The following LRRC37A2 variants were observed in gnomAD, a reference collection of about 807,000 sequenced individuals.
The protein encoded by LRRC37A2 is leucine rich repeat containing 37 member A2, also known as leucine-rich repeat-containing protein 37A2.
A neutral mutation model predicts 68.8 loss-of-function variants in LRRC37A2; 9 were observed. The observed-to-expected ratio is 0.13, with a 90% confidence interval of 0.08 to 0.23. LRRC37A2 has a LOEUF of 0.23. LRRC37A2 is among the 10% of genes least tolerant of loss of function. The pLI is 1.00. For synonymous variants in LRRC37A2, 63 were observed against 367.6 expected (o/e 0.17, Z 9.48); for missense variants, 168 against 950.4 (o/e 0.18, Z 10.82).
chr17:47,020,787 A>AAAAAAAAAAAAAAAAAAAAT, the LRRC37A2 span, among the ~76,000 whole-genome samples: 1 of 137,592 alleles, frequency 7.3e-6, no homozygotes, highest in African/African-American at 2.6e-5. Flanking sequence ...ATCTCAAAAA[A>AAAAAAAAAAAAAAAAAAAAT]AAAAAAAAAA....
chr17:46,852,065 G>A, the LRRC37A2 span, among the ~76,000 whole-genome samples: 1 of 152,212 alleles, frequency 6.6e-6, no homozygotes, highest in Admixed American at 6.5e-5. Context: ...GCTCTCTGAT[G>A]CCCTCTCGGG....
chr17:46,891,918 C>CTTTTTTTTTTTTTTTT, the LRRC37A2 span, among the ~76,000 whole-genome samples: 10 of 71,810 alleles, frequency 1.4e-4, no homozygotes, highest in African/African-American at 2.2e-4. Context: ...CTTTTCTTTT[C>CTTTTTTTTTTTTTTTT]TTTTTTTTTT....
chr17:46,723,590 C>G, the LRRC37A2 span, among the ~76,000 whole-genome samples: 1 of 152,176 alleles, frequency 6.6e-6, no homozygotes, highest in African/African-American at 2.4e-5. Context: ...CCTTCTTGCT[C>G]TTTAAATGTA....
At chr17:46,822,266 G>A in the LRRC37A2 span, among the ~76,000 whole-genome samples, 1 of 152,208 alleles carries the variant, frequency 6.6e-6, no homozygotes, top group Non-Finnish European at 1.5e-5. Flanking sequence ...TGGAAGGCTG[G>A]ACAGCAGAGC....
the LRRC37A2 span, among the ~76,000 whole-genome samples, chr17:46,963,429 C>T: frequency 1.3e-5 from 2 of 152,008 alleles, no homozygotes; most frequent in East Asian, 3.9e-4. Flanking sequence ...TCTGTAATCC[C>T]AGCTACTTGG....
chr17:46,691,956 T>G, the LRRC37A2 span, among the ~76,000 whole-genome samples: 3 of 150,612 alleles, frequency 2.0e-5, no homozygotes, highest in Non-Finnish European at 4.4e-5. Context: ...TTTCACCATG[T>G]TGGCCAGGCT....
At chr17:46,772,760 C>G in the LRRC37A2 span, among the ~76,000 whole-genome samples, 1 of 152,148 alleles carries the variant, frequency 6.6e-6, no homozygotes, top group Non-Finnish European at 1.5e-5. Context: ...GGGTTGTCAG[C>G]TTCCCCCCCA....
chr17:46,819,155 C>T, the LRRC37A2 span, among the ~76,000 whole-genome samples: 139 of 152,282 alleles, frequency 9.1e-4, no homozygotes, highest in Non-Finnish European at 1.0e-3. The surrounding 1 kb of genome is among the most constrained non-coding windows in gnomAD (Gnocchi z 5.3). Context: ...AGAAGCCCCG[C>T]TCGGGCAGGT....
chr17:46,870,857 C>T, the LRRC37A2 span, among the ~76,000 whole-genome samples: 2 of 151,760 alleles, frequency 1.3e-5, no homozygotes, highest in African/African-American at 4.8e-5. Flanking sequence ...TGGCAAGTGC[C>T]ACATCCAAGC....
the LRRC37A2 span, chr17:47,017,808 C>G: frequency 2.5e-6 from 4 of 1,609,826 alleles, no homozygotes; most frequent in Non-Finnish European, 3.4e-6. Context: ...GTCAGATGAG[C>G]CTCCAGGGCC....
At chr17:46,975,735 G>A in the LRRC37A2 span, among the ~76,000 whole-genome samples, 1 of 152,118 alleles carries the variant, frequency 6.6e-6, no homozygotes, top group Non-Finnish European at 1.5e-5. Flanking sequence ...CACCACAGGG[G>A]ACCCAAACAC....
chr17:46,750,285 G>A, the LRRC37A2 span, among the ~76,000 whole-genome samples: 5 of 152,160 alleles, frequency 3.3e-5, no homozygotes, highest in African/African-American at 7.2e-5. Flanking sequence ...CCCAGGAGGC[G>A]GAGGTTGCAG....
At chr17:46,410,102 G>C in the LRRC37A2 span, among the ~76,000 whole-genome samples, 2 of 108,286 alleles carry the variant, frequency 1.8e-5, no homozygotes, top group Non-Finnish European at 4.1e-5. Flanking sequence ...TTCCCTGAAG[G>C]TTTAGAGAAA....
At chr17:46,625,788 A>C in the LRRC37A2 span, among the ~76,000 whole-genome samples, 2 of 107,114 alleles carry the variant, frequency 1.9e-5, no homozygotes, top group Non-Finnish European at 3.4e-5. Context: ...GCATGCCTGT[A>C]GTCCCAACTA....
chr17:46,834,940 G>A, the LRRC37A2 span, among the ~76,000 whole-genome samples: 3 of 152,164 alleles, frequency 2.0e-5, no homozygotes, highest in Admixed American at 2.0e-4. Context: ...CCCCCAGGCA[G>A]CATCAAACTC....
the LRRC37A2 span, among the ~76,000 whole-genome samples, chr17:46,839,285 C>A: frequency 6.6e-6 from 1 of 152,240 alleles, no homozygotes; most frequent in Admixed American, 6.5e-5. Flanking sequence ...TGTGGCCATG[C>A]GACCCAGCAT....
the LRRC37A2 span, among the ~76,000 whole-genome samples, chr17:46,501,612 A>G: frequency 3.3e-5 from 5 of 151,268 alleles, no homozygotes; most frequent in Admixed American, 3.3e-4. Flanking sequence ...TTCAGTTCTC[A>G]GAGGATGGAA....
At chr17:46,965,779 T>C in the LRRC37A2 span, among the ~76,000 whole-genome samples, 1 of 151,538 alleles carries the variant, frequency 6.6e-6, no homozygotes, top group Non-Finnish European at 1.5e-5. Context: ...CACAGCACCA[T>C]GCCCAGCTAA....
At chr17:46,925,383 A>G in the LRRC37A2 span, among the ~76,000 whole-genome samples, 1 of 152,316 alleles carries the variant, frequency 6.6e-6, no homozygotes, top group African/African-American at 2.4e-5. Context: ...TGTGCTGTGC[A>G]CCATTCTCAG....
Sources: gnomAD v4.1 joint callset for allele counts (sites outside exome capture counted in the v4.1 genomes callset) on GRCh38, gnomAD v4.1.1 for gene constraint, Gnocchi (gnomAD v3.1) non-coding constraint, MANE v1.5 for transcripts, NCBI Gene and HGNC (gene_info 2026-07-23, HGNC 2026-07-21) for gene names.